The following NRCAM variants were observed in gnomAD, a reference collection of about 807,000 sequenced individuals.
NRCAM encodes the protein NgCAM-related cell adhesion molecule.
A neutral mutation model predicts 156.5 loss-of-function variants in NRCAM; 83 were observed. That is an observed-to-expected ratio of 0.53 (90% CI 0.44 to 0.64). The LOEUF is 0.64. NRCAM is among the 30% of genes least tolerant of loss of function. NRCAM has a pLI of 0.00. For missense variants in NRCAM, 1,417 were observed against 1,597.3 expected (o/e 0.89, Z 1.92); for synonymous variants, 538 against 563.9 (o/e 0.95, Z 0.65).
chr7:108,425,113 G>A lies in NRCAM; in HGVS notation c.-331-25520C>T, dbSNP rs1325182072. On this transcript the variant is annotated intron_variant, in intron 1 of 32. Coordinates refer to ENST00000379028, the MANE Select transcript of NRCAM (RefSeq NM_001037132.4). The stretch of plus-strand genomic sequence containing the variant: ...ATTTTTTGCAAGCATGTGCACATGA[G>A]CAATTTTCTGGGGTGAGATGTCATG... Among the ~76,000 whole-genome samples the A allele has an allele frequency of 3.3e-5, 5 of 152,062 alleles. No individual in the cohort carries two copies. The East Asian group carries it at 9.6e-4, about 29-fold the overall frequency.
At chr7:108,324,736 G>A (rs1468153534) in intron 2 of NRCAM, among the ~76,000 whole-genome samples, 3 of 152,106 alleles carry the variant, frequency 2.0e-5, no homozygotes, top group African/African-American at 7.2e-5. Flanking sequence ...TGTATTTCAA[G>A]TTAATTAAGT....
At chr7:108,432,920 AGAGAAAGAG>A (rs1373433761) in intron 1 of NRCAM, among the ~76,000 whole-genome samples, 60 of 94,316 alleles carry the variant, frequency 6.4e-4, no homozygotes, top group Middle Eastern at 5.9e-3. Flanking sequence ...AGAAAGAGAA[AGAGAAAGAG>A]GAGAAAGAGA....
At chr7:108,171,116 T>C (rs528964529) in intron 28 of NRCAM, among the ~76,000 whole-genome samples, 4 of 152,304 alleles carry the variant, frequency 2.6e-5, no homozygotes, top group African/African-American at 9.6e-5. Context: ...ATCCACCTTC[T>C]CACTCACAGA....
chr7:108,319,813 G>A (rs920014685), intron 2 of NRCAM, among the ~76,000 whole-genome samples: 1 of 152,154 alleles, frequency 6.6e-6, no homozygotes, highest in African/African-American at 2.4e-5. Context: ...GAAAAGCAGG[G>A]GATAAGAGGG....
intron 3 of NRCAM, among the ~76,000 whole-genome samples, chr7:108,255,965 G>A (rs2096630556): frequency 6.6e-6 from 1 of 151,086 alleles, no homozygotes; most frequent in East Asian, 2.0e-4. Flanking sequence ...GAGGTGGGGG[G>A]CAGCCCCCGC....
intron 22 of NRCAM, among the ~76,000 whole-genome samples, chr7:108,183,667 G>A (rs982715920): frequency 1.3e-5 from 2 of 152,044 alleles, no homozygotes; most frequent in Non-Finnish European, 2.9e-5. Flanking sequence ...CTCCTGAGTA[G>A]CTGGGATTAC....
chr7:108,268,482 AC>A (rs1208508656), intron 3 of NRCAM, among the ~76,000 whole-genome samples: 17 of 152,038 alleles, frequency 1.1e-4, no homozygotes, highest in Admixed American at 3.9e-4. Flanking sequence ...GGCTGGCATA[AC>A]CTCTGTGCAA....
chr7:108,152,259 A>C (rs2042093094), intron 32 of NRCAM, among the ~76,000 whole-genome samples: 1 of 152,126 alleles, frequency 6.6e-6, no homozygotes, highest in South Asian at 2.1e-4. Context: ...CTCATCAAGC[A>C]GTAATATCTG....
chr7:108,350,451 T>C (rs751961637), intron 2 of NRCAM, among the ~76,000 whole-genome samples: 2 of 152,236 alleles, frequency 1.3e-5, no homozygotes, highest in Non-Finnish European at 2.9e-5. Context: ...GCTGAGTTGA[T>C]GTCTCAGTCA....
intron 11 of NRCAM, among the ~76,000 whole-genome samples, chr7:108,218,940 A>C (rs917521394): frequency 6.6e-6 from 1 of 152,200 alleles, no homozygotes; most frequent in Non-Finnish European, 1.5e-5. Context: ...CGAAAAGATA[A>C]ATACAATTGA....
intron 3 of NRCAM, among the ~76,000 whole-genome samples, chr7:108,296,969 C>A (rs1031107657): frequency 1.3e-5 from 2 of 151,996 alleles, no homozygotes; most frequent in Non-Finnish European, 2.9e-5. Flanking sequence ...GGGTACTAGG[C>A]AAAAAAATTA....
chr7:108,193,921 A>C (rs1348571092), intron 17 of NRCAM, 103 bp downstream of exon 17: 23 of 1,206,980 alleles, frequency 1.9e-5, no homozygotes, highest in Non-Finnish European at 6.9e-6. Flanking sequence ...AGCAGACTTC[A>C]GAAACTAAAA....
intron 2 of NRCAM, among the ~76,000 whole-genome samples, chr7:108,347,381 T>C (rs1385234001): frequency 6.6e-6 from 1 of 152,068 alleles, no homozygotes; most frequent in Non-Finnish European, 1.5e-5. Context: ...ACAATGTATC[T>C]CAAGGAAGTA....
intron 25 of NRCAM, among the ~76,000 whole-genome samples, chr7:108,178,719 C>A (rs955284570): frequency 5.3e-5 from 8 of 152,204 alleles, no homozygotes; most frequent in African/African-American, 1.7e-4. Context: ...CAGAGGCTGG[C>A]AAATCACCAG....
At chr7:108,345,585 G>A (rs191448789) in intron 2 of NRCAM, among the ~76,000 whole-genome samples, 44 of 152,264 alleles carry the variant, frequency 2.9e-4, no homozygotes, top group African/African-American at 1.0e-3. Context: ...ACTAGGTCAT[G>A]AGGGTGGAGT....
At chr7:108,329,346 G>C (rs1218125445) in intron 2 of NRCAM, among the ~76,000 whole-genome samples, 1 of 152,088 alleles carries the variant, frequency 6.6e-6, no homozygotes, top group Non-Finnish European at 1.5e-5. Flanking sequence ...AGTAATAGAA[G>C]GTATTTCTAA....
At position 108,207,650 on chromosome 7, in the gene NRCAM, T is replaced by C; in HGVS notation, c.1085A>G (p.Tyr362Cys). Reference sequence around the variant, plus strand: ...AAGATTTTGAGGGGCTGTGATCCAGTATGGAGCCGCTTTATAGGAGGAAGA... The same window carrying C: ...AAGATTTTGAGGGGCTGTGATCCAGCATGGAGCCGCTTTATAGGAGGAAGA... ...TISVRVKAAPYWITAPQNLVL... is the reference protein window; with the variant it reads ...TISVRVKAAPCWITAPQNLVL... Residue 362 changes from tyrosine (Y) to cysteine (C), a missense_variant, in exon 13 of 33, where the codon TAC (tyrosine) becomes TGC (cysteine). Around this residue, in one of 2 missense-constraint regions of NRCAM, gnomAD observed 1,238 missense variants for 1,336.4 expected, o/e 0.93. Coordinates refer to ENST00000379028, the MANE Select transcript of NRCAM (RefSeq NM_001037132.4). 6.2e-7 allele frequency: 1 copy of C among 1,608,942 alleles called. No individual in the cohort carries two copies. Among genetic ancestry groups the C allele is most frequent in the Non-Finnish European group, 8.5e-7 (1 of 1,178,444 alleles).
At chr7:108,249,924 C>T (rs1021868024) in intron 3 of NRCAM, among the ~76,000 whole-genome samples, 3 of 152,098 alleles carry the variant, frequency 2.0e-5, no homozygotes, top group South Asian at 2.1e-4. Flanking sequence ...AGAAATACAG[C>T]GACCATACAA....
intron 2 of NRCAM, among the ~76,000 whole-genome samples, chr7:108,313,978 G>T (rs1592940115): frequency 6.6e-6 from 1 of 152,096 alleles, no homozygotes; most frequent in South Asian, 2.1e-4. Context: ...CTACCATGAG[G>T]GATCTCAGTC....
Sources: gnomAD v4.1 joint callset for allele counts (sites outside exome capture counted in the v4.1 genomes callset) on GRCh38, gnomAD v4.1.1 for gene constraint, gnomAD v4.1.1 regional missense constraint, MANE v1.5 for transcripts, NCBI Gene and HGNC (gene_info 2026-07-23, HGNC 2026-07-21) for gene names.